The following GALNT14 variants were observed in gnomAD, a reference collection of about 807,000 sequenced individuals.
GALNT14 encodes the protein UDP-GalNAc:polypeptide N-acetylgalactosaminyltransferase 14.
Under a neutral mutation model 77.5 loss-of-function variants are expected in GALNT14, and 60 were observed. The ratio of observed to expected loss-of-function variants is 0.77; its 90% CI spans 0.63 to 0.96. The LOEUF is 0.96. Ranked by LOEUF, GALNT14 falls within the 40% of genes least tolerant of loss-of-function variation. GALNT14 has a pLI of 0.00. For synonymous variants in GALNT14, 280 were observed against 281.7 expected (o/e 0.99, Z 0.06); for missense variants, 710 against 731.0 (o/e 0.97, Z 0.33).
chr2:31,072,284 CACACACACACACACACACAT>C (rs796302914), intron 1 of GALNT14, among the ~76,000 whole-genome samples: 1,727 of 108,114 alleles, frequency 0.016, 25 homozygotes, highest in South Asian at 0.035. Context: ...CACACACATA[CACACACACACACACACACAT>C]ACACACACAC....
At chr2:31,081,006 C>T (rs1254085354) in intron 1 of GALNT14, among the ~76,000 whole-genome samples, 2 of 152,158 alleles carry the variant, frequency 1.3e-5, no homozygotes, top group African/African-American at 2.4e-5. Context: ...TATTTGGCCT[C>T]AAGATGTAAG....
At chr2:31,041,804 G>A (rs1261002659) in intron 1 of GALNT14, among the ~76,000 whole-genome samples, 1 of 152,140 alleles carries the variant, frequency 6.6e-6, no homozygotes, top group Admixed American at 6.5e-5. Flanking sequence ...AATGTCTTGG[G>A]CACCTGAACT....
intron 1 of GALNT14, among the ~76,000 whole-genome samples, chr2:31,084,579 G>T (rs1334616298): frequency 6.6e-6 from 1 of 152,184 alleles, no homozygotes; most frequent in African/African-American, 2.4e-5. Context: ...ACTGCTAAGG[G>T]AAGCATGGGT....
chr2:30,966,376 A>C, intron 2 of GALNT14, 74 bp from the exon 3 acceptor site: 1 of 1,094,388 alleles, frequency 9.1e-7, no homozygotes, highest in South Asian at 1.3e-5. Flanking sequence ...AACCGAGGGC[A>C]TCTGGGTGGG....
intron 1 of GALNT14, among the ~76,000 whole-genome samples, chr2:31,041,789 A>T (rs927869927): frequency 4.6e-5 from 7 of 152,160 alleles, no homozygotes; most frequent in Non-Finnish European, 8.8e-5. Context: ...TAAGAAGCCC[A>T]TTGCAATGTC....
At chr2:31,121,663 C>T (rs952357305) in intron 1 of GALNT14, among the ~76,000 whole-genome samples, 4 of 152,158 alleles carry the variant, frequency 2.6e-5, no homozygotes, top group Non-Finnish European at 5.9e-5. Context: ...CCACTGCCGC[C>T]CAATAATCTC....
chr2:31,110,044 G>A (rs1400990001), intron 1 of GALNT14, among the ~76,000 whole-genome samples: 1 of 152,082 alleles, frequency 6.6e-6, no homozygotes, highest in East Asian at 1.9e-4. Flanking sequence ...AACAATCACA[G>A]GAACAGCCTC....
chr2:30,897,405 G>A, the GALNT14 span, among the ~76,000 whole-genome samples: 12 of 152,196 alleles, frequency 7.9e-5, no homozygotes, highest in Non-Finnish European at 1.8e-4. Context: ...TGGCACATCT[G>A]GGGTAGCTCC....
downstream of GALNT14, among the ~76,000 whole-genome samples, chr2:30,908,343 A>C (rs1239656865): frequency 6.6e-6 from 1 of 152,132 alleles, no homozygotes; most frequent in Non-Finnish European, 1.5e-5. Context: ...TTAAGCTGAT[A>C]AGCAACTTCA....
chr2:30,994,454 T>C (rs369453034), intron 1 of GALNT14, among the ~76,000 whole-genome samples: 1 of 152,338 alleles, frequency 6.6e-6, no homozygotes, highest in East Asian at 1.9e-4. Context: ...TATCCAGTAA[T>C]TGATCTCTCT....
At chr2:31,098,008 C>T (rs1479933342) in intron 1 of GALNT14, among the ~76,000 whole-genome samples, 1 of 152,144 alleles carries the variant, frequency 6.6e-6, no homozygotes, top group Non-Finnish European at 1.5e-5. Context: ...CTATGCTCTA[C>T]TTGATCAGAA....
intron 1 of GALNT14, among the ~76,000 whole-genome samples, chr2:31,008,130 G>C (rs1054506566): frequency 1.3e-5 from 2 of 152,126 alleles, no homozygotes; most frequent in African/African-American, 4.8e-5. Flanking sequence ...TTGTCACTCA[G>C]CTGGACTTCA....
intron 1 of GALNT14, among the ~76,000 whole-genome samples, chr2:31,047,090 C>T (rs6726690): frequency 0.45 from 67,714 of 151,768 alleles, 15,535 homozygotes; most frequent in East Asian, 0.55. Context: ...CCACAGAACC[C>T]TGAAGAACAC....
At chr2:30,949,864 G>A (rs1023572314) in intron 6 of GALNT14, among the ~76,000 whole-genome samples, 1 of 152,188 alleles carries the variant, frequency 6.6e-6, no homozygotes, top group African/African-American at 2.4e-5. Flanking sequence ...ACACAGCCTA[G>A]GGGCCTCTAA....
At chr2:30,941,332 C>G (rs1341742146) in intron 9 of GALNT14, among the ~76,000 whole-genome samples, 1 of 152,188 alleles carries the variant, frequency 6.6e-6, no homozygotes, top group South Asian at 2.1e-4. Flanking sequence ...GGACCCCAAC[C>G]CCTGCCCTCG....
intron 1 of GALNT14, among the ~76,000 whole-genome samples, chr2:31,043,132 G>C (rs1673202439): frequency 6.6e-6 from 1 of 152,082 alleles, no homozygotes; most frequent in African/African-American, 2.4e-5. Context: ...TGGAGCCTCT[G>C]CTTTAGTTTT....
intron 2 of GALNT14, among the ~76,000 whole-genome samples, chr2:30,984,907 C>A (rs572982578): frequency 1.3e-5 from 2 of 152,256 alleles, no homozygotes; most frequent in African/African-American, 2.4e-5. Flanking sequence ...AGGGACAGGG[C>A]AGGAGCTGGG....
intron 1 of GALNT14, among the ~76,000 whole-genome samples, chr2:31,021,465 T>C (rs962317956): frequency 1.3e-5 from 2 of 151,288 alleles, no homozygotes; most frequent in African/African-American, 4.9e-5. Context: ...CCACGACACC[T>C]GGCTAATTTT....
At chr2:30,889,539 C>T in the GALNT14 span, among the ~76,000 whole-genome samples, 12 of 152,348 alleles carry the variant, frequency 7.9e-5, no homozygotes, top group African/African-American at 2.9e-4. Flanking sequence ...CAATCCACAT[C>T]TCATCAGATT....
Sources: gnomAD v4.1 joint callset for allele counts (sites outside exome capture counted in the v4.1 genomes callset) on GRCh38, gnomAD v4.1.1 for gene constraint, MANE v1.5 for transcripts, NCBI Gene and HGNC (gene_info 2026-07-23, HGNC 2026-07-21) for gene names.